Variants in RGP1 observed in about 807,000 individuals in gnomAD.
RGP1 encodes RAB6A-GEF complex partner protein 2.
In RGP1, 28 loss-of-function variants were observed where a neutral mutation model predicts 44.5. The ratio of observed to expected loss-of-function variants is 0.63; its 90% confidence interval spans 0.47 to 0.86. The LOEUF (loss-of-function observed/expected upper bound fraction) is 0.86, where lower values mean the gene tolerates loss of function less well. Among genes scored for constraint, RGP1 ranks in the 40% least tolerant of loss-of-function variants. RGP1 has a pLI of 0.00. For synonymous variants in RGP1, 212 were observed against 196.7 expected (o/e 1.08, Z -0.65); for missense variants, 417 against 490.7 (o/e 0.85, Z 1.42).
rs891137146 is a variant in RGP1 at position 35,754,065 on chromosome 9, C to A, written c.*1191C>A. The stretch of plus-strand genomic sequence containing the variant: ...CTGGAGGAGTAGAGACATCACCAAG[C>A]AGATGATCCCCCAGCCTCCTAGGAT... On this transcript the variant is annotated 3_prime_UTR_variant, in exon 9 of 9. Coordinates refer to ENST00000378078, the MANE Select transcript of RGP1 (RefSeq NM_001080496.3). 3.1e-6 allele frequency: 5 copies of A among 1,613,768 alleles called. No individual in the cohort carries two copies. In the African/African-American group the frequency reaches 4.0e-5, roughly 13 times the overall value.
chr9:35,753,027 T>C lies in RGP1; in HGVS notation c.*153T>C, dbSNP rs775323540. The C allele has an allele frequency of 1.3e-5, 21 of 1,570,922 alleles. No homozygotes were observed. Among genetic ancestry groups the C allele is most frequent in the South Asian group, 4.5e-5 (4 of 88,036 alleles). The stretch of plus-strand genomic sequence containing the variant: ...CATTAATTTATTTGTTCAGAATACA[T>C]TGGCAGCTGCTAGTGGTTTCCCTGG... On this transcript the variant is annotated 3_prime_UTR_variant, in exon 9 of 9. Coordinates refer to ENST00000378078, the MANE Select transcript of RGP1 (RefSeq NM_001080496.3). This position sits in a 1 kb window ranked among gnomAD's most constrained non-coding sequence, Gnocchi z 4.2.
chr9:35,777,761 C>T, the RGP1 span, among the ~76,000 whole-genome samples: 1 of 152,108 alleles, frequency 6.6e-6, no homozygotes, highest in East Asian at 1.9e-4. Flanking sequence ...CTGATGTTAC[C>T]GTTCTGCCCT....
chr9:35,759,566 C>CAAAA (rs1827398868), downstream of RGP1, among the ~76,000 whole-genome samples: 2 of 45,748 alleles, frequency 4.4e-5, no homozygotes, highest in Non-Finnish European at 7.4e-5. Flanking sequence ...GACCCTGTCT[C>CAAAA]CAAAAAAAAA....
chr9:35,753,206 A>C lies in RGP1; in HGVS notation c.*332A>C. ...GGGCAGCCGAGGGTCAGATTTTTGC[A>C]CCAAGGAGAACTGGCAGGTTCCTGC... On this transcript the variant is annotated 3_prime_UTR_variant, in exon 9 of 9. Transcript: ENST00000378078. This position sits in a 1 kb window ranked among gnomAD's most constrained non-coding sequence, Gnocchi z 4.2. 1 of 1,614,130 alleles carries C rather than the reference A, an allele frequency of 6.2e-7. No individual in the cohort carries two copies. The highest frequency in any genetic ancestry group is 8.5e-7 in the Non-Finnish European group (1 of 1,180,004).
At position 35,750,678 on chromosome 9, in the gene RGP1, C is replaced by G; in HGVS notation, c.274C>G (p.Leu92Val). ...TTCAGGTGAGAGGGGCCAGTGTATC[C>G]TTTCTACTCCACCGAAAATTCTATT... The part of the protein sequence containing the change: ...PHRGERGQCI[L>V]STPPKILFCD... Residue 92 changes from leucine (L) to valine (V), a missense_variant, in exon 4 of 9, where the codon CTT becomes GTT. Transcript: ENST00000378078. 1 of 1,613,962 alleles carries G rather than the reference C, an allele frequency of 6.2e-7. No individual in the cohort carries two copies. The highest frequency in any genetic ancestry group is 1.1e-5 in the South Asian group (1 of 91,072).
Position 35,754,040 on chromosome 9 carries a change from C to T in RGP1, c.*1166C>T, listed in dbSNP as rs1371019422. ...AGCACTTGCTGTAGACTCCTGGGTG[C>T]TGGAGGAGTAGAGACATCACCAAGC... is the stretch of plus-strand genomic sequence containing the variant. On this transcript the variant is annotated 3_prime_UTR_variant, in exon 9 of 9. Coordinates refer to ENST00000378078, the MANE Select transcript of RGP1 (RefSeq NM_001080496.3). 2 of 1,613,730 alleles carry T rather than the reference C, an allele frequency of 1.2e-6. No individual in the cohort carries two copies. Among genetic ancestry groups the T allele is most frequent in the Non-Finnish European group, 1.7e-6 (2 of 1,179,850 alleles).
chr9:35,763,365 A>G (rs1827435657), downstream of RGP1, among the ~76,000 whole-genome samples: 1 of 152,238 alleles, frequency 6.6e-6, no homozygotes, highest in Non-Finnish European at 1.5e-5. Flanking sequence ...GGGCTATATA[A>G]TAGTGAGATT....
chr9:35,783,409 T>C, the RGP1 span, among the ~76,000 whole-genome samples: 37 of 152,148 alleles, frequency 2.4e-4, no homozygotes, highest in Non-Finnish European at 4.4e-4. Flanking sequence ...AAGGGAACAC[T>C]GGAACTTACT....
At chr9:35,776,746 AG>A in the RGP1 span, among the ~76,000 whole-genome samples, 2 of 152,046 alleles carry the variant, frequency 1.3e-5, no homozygotes, top group Admixed American at 1.3e-4. Flanking sequence ...CTGTAATCCC[AG>A]CACTTTGGGA....
the RGP1 span, among the ~76,000 whole-genome samples, chr9:35,775,922 T>A: frequency 1.8e-3 from 275 of 152,334 alleles, 3 homozygotes; most frequent in African/African-American, 6.4e-3. Flanking sequence ...AAGGTGCTTT[T>A]ACATTTATTG....
the RGP1 span, among the ~76,000 whole-genome samples, chr9:35,777,221 C>T: frequency 6.7e-6 from 1 of 149,170 alleles, no homozygotes; most frequent in Non-Finnish European, 1.5e-5. Flanking sequence ...GCTCCGCCTC[C>T]CAGGTTCACA....
In RGP1 at chr9:35,749,857, C is replaced by G; in HGVS notation, c.102C>G (p.Ala34=). ...TCACCAACCCCCTTCCGCCCACGGCCACTTCTGCATCCAGGTGGGGATGCT... is the reference window on the plus strand; with the variant it reads ...TCACCAACCCCCTTCCGCCCACGGCGACTTCTGCATCCAGGTGGGGATGCT... ...VTVTNPLPPT[A]TSASSEALAW... The change falls in exon 2 of 9, where the codon GCC becomes GCG. Residue 34 remains alanine (A), a synonymous_variant. Coordinates refer to ENST00000378078, the MANE Select transcript of RGP1 (RefSeq NM_001080496.3). The surrounding 1 kb of genome is among the most constrained non-coding windows in gnomAD (Gnocchi z 4.4). 6.2e-7 allele frequency: 1 copy of G among 1,612,356 alleles called. No individual in the cohort carries two copies. Among genetic ancestry groups the G allele is most frequent in the East Asian group, 2.2e-5 (1 of 44,852 alleles).
the RGP1 span, among the ~76,000 whole-genome samples, chr9:35,783,477 A>C: frequency 6.6e-6 from 1 of 151,482 alleles, no homozygotes; most frequent in Admixed American, 6.6e-5. Context: ...CCTCCTGCCT[A>C]TGCTTCCCAA....
In RGP1 at chr9:35,749,494, G is replaced by A; in HGVS notation, c.-20+86G>A. 1.7e-5 allele frequency: 11 copies of A among 659,630 alleles called. 1 individual carries two copies. Among genetic ancestry groups the A allele is most frequent in the South Asian group, 1.6e-4 (11 of 69,426 alleles). The allele number at this position is 659,630 out of a possible 1,614,324, so 40.9% of individuals were successfully genotyped here. A position where few individuals can be genotyped will look rare whatever the true frequency, so the allele number is the denominator to read the frequency against. On this transcript the variant is annotated intron_variant, in intron 1 of 8. Transcript: ENST00000378078. This position sits in a 1 kb window ranked among gnomAD's most constrained non-coding sequence, Gnocchi z 4.4. ...GCCAGTTTGGGAACTCCGCGGGGGT[G>A]CCCAGGGAGAAGAACCCGTCGCACA...
At chr9:35,751,821 G>A in intron 7 of RGP1, 67 bp downstream of exon 7, 2 of 1,604,884 alleles carry the variant, frequency 1.2e-6, no homozygotes, top group Non-Finnish European at 1.7e-6. Context: ...TGGAAGGCCT[G>A]TATAAAGAGG....
chr9:35,767,637 T>G, the RGP1 span, among the ~76,000 whole-genome samples: 1 of 152,158 alleles, frequency 6.6e-6, no homozygotes, highest in Non-Finnish European at 1.5e-5. Flanking sequence ...TATTGATGGA[T>G]TTGAGGAAAA....
Position 35,754,081 on chromosome 9 carries a change from C to A in RGP1, c.*1207C>A, listed in dbSNP as rs759912519. On this transcript the variant is annotated 3_prime_UTR_variant, in exon 9 of 9. Transcript: ENST00000378078. ...ATCACCAAGCAGATGATCCCCCAGC[C>A]TCCTAGGATCCCCTTGGCCTGTCCA... 1.2e-6 allele frequency: 2 copies of A among 1,613,520 alleles called. No homozygotes were observed. The highest frequency in any genetic ancestry group is 4.5e-5 in the East Asian group (2 of 44,882).
intron 2 of RGP1, 127 bp from the exon 3 acceptor site, chr9:35,750,116 T>C: frequency 1.5e-6 from 2 of 1,343,212 alleles, no homozygotes; most frequent in Non-Finnish European, 2.0e-6. Context: ...CTCTTTGGGA[T>C]TGTGGATTTC....
the RGP1 span, among the ~76,000 whole-genome samples, chr9:35,788,149 A>G: frequency 3.9e-5 from 6 of 152,224 alleles, no homozygotes; most frequent in Admixed American, 3.9e-4. Flanking sequence ...GTCTTGAGGC[A>G]CCTTTGGCCT....
Sources: allele counts gnomAD v4.1 joint callset (sites outside exome capture counted in the v4.1 genomes callset), GRCh38; gene constraint gnomAD v4.1.1; non-coding constraint Gnocchi (gnomAD v3.1); transcripts MANE v1.5; gene names NCBI Gene and HGNC (gene_info 2026-07-23, HGNC 2026-07-21).